Variants in POGLUT1 observed in about 807,000 individuals in gnomAD.
The protein encoded by POGLUT1 is protein O-glucosyltransferase 1, also known as 9630046K23Rik.
In POGLUT1, 32 loss-of-function variants were observed where a neutral mutation model predicts 61.3. That is an observed-to-expected ratio of 0.52 (90% CI 0.39 to 0.70). POGLUT1 has a LOEUF of 0.70. Ranked by LOEUF, POGLUT1 falls within the 30% of genes least tolerant of loss-of-function variation. POGLUT1 has a pLI of 0.00. For missense variants in POGLUT1, 411 were observed against 469.8 expected (o/e 0.87, Z 1.16); for synonymous variants, 158 against 158.2 (o/e 1.00, Z 0.01).
chr3:119,480,036 CTG>C lies in POGLUT1; in HGVS notation c.457-13_457-12del, dbSNP rs751799557. The C allele has an allele frequency of 3.1e-6, 5 of 1,613,016 alleles. No homozygotes were observed. The East Asian group carries it at 1.1e-4, about 36-fold the overall frequency. ...CCAAGACTGATTTAGGACGACCTGTCTGTTTTTGTTGAAGACATCAGAGTACC... is the reference window on the plus strand; with the variant it reads ...CCAAGACTGATTTAGGACGACCTGTCTTTTTGTTGAAGACATCAGAGTACC... On this transcript the variant is annotated splice_polypyrimidine_tract_variant and intron_variant, in intron 4 of 10. Coordinates refer to ENST00000295588, the MANE Select transcript of POGLUT1 (RefSeq NM_152305.3).
In POGLUT1 at chr3:119,480,338, TC is replaced by T. The variant is rs1237246360; in HGVS notation, c.578+169del. On this transcript the variant is annotated intron_variant, in intron 5 of 10. Coordinates refer to ENST00000295588, the MANE Select transcript of POGLUT1 (RefSeq NM_152305.3). ...ATCTCAGCTCACCGCAACCTCCGCC[TC>T]CCAGGTTCAAGTGATTCTCTTGCCT... 5.9e-5 allele frequency among the ~76,000 whole-genome samples: 9 copies of T among 152,008 alleles called. 1 individual carries two copies. The highest frequency in any genetic ancestry group is 5.9e-4 in the Admixed American group (9 of 15,248).
intron 3 of POGLUT1, among the ~76,000 whole-genome samples, chr3:119,474,229 C>T (rs2081510100): frequency 6.6e-6 from 1 of 152,186 alleles, no homozygotes. Context: ...GCTTGATATA[C>T]TCATTCCACA....
intron 4 of POGLUT1, among the ~76,000 whole-genome samples, chr3:119,479,443 A>G (rs569128017): frequency 1.3e-5 from 2 of 152,336 alleles, no homozygotes; most frequent in South Asian, 2.1e-4. Context: ...CTCATTTAAT[A>G]TTCAAAATAA....
rs766090624 is a variant in POGLUT1, at chr3:119,490,656, C to G, written c.903C>G (p.Phe301Leu). 2 of 1,614,114 alleles carry G rather than the reference C, an allele frequency of 1.2e-6. No homozygotes were observed. The highest frequency in any genetic ancestry group is 1.1e-5 in the South Asian group (1 of 91,082). Residue 301 changes from phenylalanine to leucine, a missense_variant, in exon 9 of 11, where the codon TTC becomes TTG. Coordinates refer to ENST00000295588, the MANE Select transcript of POGLUT1 (RefSeq NM_152305.3). ...FHVGDEWLEF[F>L]YPQLKPWVHY... ...TTGGTGATGAGTGGCTAGAATTCTTCTATCCACAGCTGAAGCCATGGGTTC... is the reference window on the plus strand; with the variant it reads ...TTGGTGATGAGTGGCTAGAATTCTTGTATCCACAGCTGAAGCCATGGGTTC...
At chr3:119,491,274 A>C (rs1399836635) in intron 9 of POGLUT1, among the ~76,000 whole-genome samples, 1 of 148,928 alleles carries the variant, frequency 6.7e-6, no homozygotes, top group African/African-American at 2.4e-5. Flanking sequence ...TAAATATATA[A>C]GGTAACTTCT....
intron 3 of POGLUT1, among the ~76,000 whole-genome samples, chr3:119,472,788 CG>C (rs1164015260): frequency 5.3e-5 from 8 of 152,144 alleles, no homozygotes; most frequent in Non-Finnish European, 1.2e-4. Context: ...CCCAGCACTT[CG>C]GGAAGTCAAT....
chr3:119,491,792 C>T (rs1008214460), intron 10 of POGLUT1, among the ~76,000 whole-genome samples: 1 of 152,160 alleles, frequency 6.6e-6, no homozygotes, highest in African/African-American at 2.4e-5. Flanking sequence ...TGGTGGCTAA[C>T]GCCTGTAATC....
At chr3:119,489,039 T>A in intron 8 of POGLUT1, 52 bp downstream of exon 8, 1 of 1,023,244 alleles carries the variant, frequency 9.8e-7, no homozygotes, top group Admixed American at 1.8e-5. Flanking sequence ...GCTTTTGAAA[T>A]AGCTTCACTT....
intron 5 of POGLUT1, among the ~76,000 whole-genome samples, chr3:119,480,395 T>C (rs1459497816): frequency 6.6e-6 from 1 of 151,884 alleles, no homozygotes; most frequent in African/African-American, 2.4e-5. Flanking sequence ...ATTACAGGCA[T>C]GTGCCACCAC....
chr3:119,474,700 A>G (rs2081515635), intron 3 of POGLUT1, among the ~76,000 whole-genome samples: 1 of 152,046 alleles, frequency 6.6e-6, no homozygotes, highest in African/African-American at 2.4e-5. Flanking sequence ...TTAGCCAGGC[A>G]TGGTGGCAGG....
chr3:119,492,267 A>G lies in POGLUT1; in HGVS notation c.1023-15A>G. The G allele has an allele frequency of 6.3e-7, 1 of 1,578,638 alleles. No individual in the cohort carries two copies. The highest frequency in any genetic ancestry group is 1.4e-5 in the African/African-American group (1 of 73,242). ...TTCTGTGCTTTAACATTTTCTTGTTAAATCTTGTCTCTAGGGGAAGCCAGT... is the reference window on the plus strand; with the variant it reads ...TTCTGTGCTTTAACATTTTCTTGTTGAATCTTGTCTCTAGGGGAAGCCAGT... On this transcript the variant is annotated splice_polypyrimidine_tract_variant and intron_variant, in intron 10 of 10. Transcript: ENST00000295588.
Position 119,490,496 on chromosome 3 carries a change from A to G in POGLUT1, c.798-55A>G, listed in dbSNP as rs142663532. Reference sequence around the variant, plus strand: ...GAGGGGAGAATAAGCATAAAAGGTCATATTTGTGGCAGCAGGCATATAGTA... The same window carrying G: ...GAGGGGAGAATAAGCATAAAAGGTCGTATTTGTGGCAGCAGGCATATAGTA... On this transcript the variant is annotated intron_variant, in intron 8 of 10. Coordinates refer to ENST00000295588, the MANE Select transcript of POGLUT1 (RefSeq NM_152305.3). 4,019 of 1,435,480 alleles carry G rather than the reference A, an allele frequency of 2.8e-3. 10 individuals are homozygous for G. The highest frequency in any genetic ancestry group is 3.7e-3 in the Non-Finnish European group (3,777 of 1,020,154). 88.9% of individuals were successfully genotyped at this position (1,435,480 alleles called of 1,614,324 possible).
At chr3:119,483,915 C>A (rs1484895023) in intron 5 of POGLUT1, among the ~76,000 whole-genome samples, 1 of 152,238 alleles carries the variant, frequency 6.6e-6, no homozygotes, top group Non-Finnish European at 1.5e-5. Context: ...CAAGGAAATT[C>A]TCGGCTAAAA....
chr3:119,470,754 T>G (rs2081460354), intron 2 of POGLUT1, among the ~76,000 whole-genome samples: 1 of 152,202 alleles, frequency 6.6e-6, no homozygotes, highest in Non-Finnish European at 1.5e-5. Flanking sequence ...TAAGCTCCTT[T>G]TTATGTTATT....
At chr3:119,486,452 T>C (rs2081664779) in intron 6 of POGLUT1, among the ~76,000 whole-genome samples, 1 of 152,168 alleles carries the variant, frequency 6.6e-6, no homozygotes, top group South Asian at 2.1e-4. Flanking sequence ...ACAAAGGTCA[T>C]GTAGCTGTTT....
rs1368042938 is a variant in POGLUT1, at chr3:119,480,061, A to G, written c.467A>G (p.Tyr156Cys). The G allele has an allele frequency of 1.2e-6, 2 of 1,613,728 alleles. No individual in the cohort carries two copies. The highest frequency in any genetic ancestry group is 8.5e-7 in the Non-Finnish European group (1 of 1,179,770). ...PVFSFSKTSE[Y>C]HDIMYPAWTF... The stretch of plus-strand genomic sequence containing the variant: ...CTGTTTTTGTTGAAGACATCAGAGT[A>G]CCATGATATCATGTATCCTGCTTGG... Residue 156 changes from tyrosine to cysteine, a missense_variant, in exon 5 of 11, where the codon TAC becomes TGC. Tyr to Cys is a radical substitution (Grantham distance 194). Coordinates refer to ENST00000295588, the MANE Select transcript of POGLUT1 (RefSeq NM_152305.3).
At chr3:119,478,041 T>C (rs2107709000) in intron 4 of POGLUT1, 1 of 312,062 alleles carries the variant, frequency 3.2e-6, no homozygotes. Context: ...GTAGCTAGGA[T>C]ACACCTGTGG....
At chr3:119,481,228 A>T (rs970197831) in intron 5 of POGLUT1, among the ~76,000 whole-genome samples, 16 of 152,130 alleles carry the variant, frequency 1.1e-4, no homozygotes, top group Non-Finnish European at 2.2e-4. Context: ...TAAGCATCTC[A>T]AGTACAAGCT....
At chr3:119,487,463 G>A (rs371602747) in intron 7 of POGLUT1, among the ~76,000 whole-genome samples, 4 of 152,116 alleles carry the variant, frequency 2.6e-5, no homozygotes, top group Non-Finnish European at 4.4e-5. Flanking sequence ...GGTATGTGCC[G>A]GTAGTCCCAG....
Sources: gnomAD v4.1 joint callset for allele counts (sites outside exome capture counted in the v4.1 genomes callset) on GRCh38, gnomAD v4.1.1 for gene constraint, MANE v1.5 for transcripts, NCBI Gene and HGNC (gene_info 2026-07-23, HGNC 2026-07-21) for gene names.